Variants in RPS6KA5 observed in about 807,000 individuals in gnomAD.
RPS6KA5 encodes the protein ribosomal protein S6 kinase alpha-5.
Under a neutral mutation model 85.5 loss-of-function variants are expected in RPS6KA5, and 27 were observed. The ratio of observed to expected loss-of-function variants is 0.32; its 90% CI spans 0.23 to 0.44. The LOEUF (loss-of-function observed/expected upper bound fraction) is 0.44, where lower values mean the gene tolerates loss of function less well. Among genes scored for constraint, RPS6KA5 ranks in the 20% least tolerant of loss-of-function variants. The probability of loss-of-function intolerance (pLI) is 1.00; values close to 1 mark genes in which losing one functional copy is unlikely to be tolerated. For synonymous variants in RPS6KA5, 334 were observed against 348.2 expected (o/e 0.96, Z 0.46); for missense variants, 811 against 980.9 (o/e 0.83, Z 2.31).
At chr14:91,044,356 AAAGAAAGAGAAAGAAAGAAG>A (rs1474375371) in intron 1 of RPS6KA5, among the ~76,000 whole-genome samples, 7,071 of 34,956 alleles carry the variant, frequency 0.2, 334 homozygotes, top group East Asian at 0.46. Context: ...AGAAAGAAAG[AAAGAAAGAGAAAGAAAGAAG>A]GAAAGAAAGA....
At chr14:91,009,250 T>C (rs2041158118) in intron 1 of RPS6KA5, among the ~76,000 whole-genome samples, 1 of 152,194 alleles carries the variant, frequency 6.6e-6, no homozygotes, top group Non-Finnish European at 1.5e-5. Flanking sequence ...AGTGCTCTTA[T>C]AAAAGAGGCT....
rs1595176734 is a variant in RPS6KA5 at position 90,906,038 on chromosome 14, C to T, written c.957+111G>A. ...AAAAGGTGCAATGTACGTGAAAATG[C>T]CAGTGGAAAATGATCCCAAAGGGGA... On this transcript the variant is annotated intron_variant, in intron 8 of 16. Transcript: ENST00000614987. The T allele has an allele frequency of 3.8e-6, 4 of 1,060,064 alleles. No individual in the cohort carries two copies. In the East Asian group the frequency reaches 7.3e-5, roughly 19 times the overall value. The allele number at this position is 1,060,064 out of a possible 1,614,324, so 65.7% of individuals were successfully genotyped here.
intron 14 of RPS6KA5, among the ~76,000 whole-genome samples, chr14:90,882,243 A>C (rs2033890565): frequency 6.6e-6 from 1 of 152,230 alleles, no homozygotes; most frequent in South Asian, 2.1e-4. Flanking sequence ...TAACTTTAAT[A>C]ATGTAGAAAA....
At chr14:90,985,258 A>G (rs1269893759) in intron 2 of RPS6KA5, among the ~76,000 whole-genome samples, 1 of 152,240 alleles carries the variant, frequency 6.6e-6, no homozygotes, top group Non-Finnish European at 1.5e-5. Context: ...TAATTTTTAC[A>G]TTAAAATGGT....
At chr14:91,038,218 G>A (rs545838864) in intron 1 of RPS6KA5, among the ~76,000 whole-genome samples, 1 of 152,062 alleles carries the variant, frequency 6.6e-6, no homozygotes, top group Non-Finnish European at 1.5e-5. Context: ...TTTCATCAGG[G>A]TCCTACTCTT....
In RPS6KA5 at chr14:91,052,234, G is replaced by A. The variant is rs149314754; in HGVS notation, c.103+8098C>T. On this transcript the variant is annotated intron_variant, in intron 1 of 16. Transcript: ENST00000614987. ...AGGCCCAGGCAGATGGATCATCTGA[G>A]GTAAGGAGTTCAAGACCAGCCTGGC... 1,560 of 325,470 alleles carry A rather than the reference G, an allele frequency of 4.8e-3. 21 individuals are homozygous for A. Among genetic ancestry groups the A allele is most frequent in the African/African-American group, 0.039 (1,473 of 37,872 alleles). The allele number at this position is 325,470 out of a possible 1,614,324, so 20.2% of individuals were successfully genotyped here.
At chr14:90,909,712 C>T (rs879506719) in intron 7 of RPS6KA5, among the ~76,000 whole-genome samples, 1 of 151,978 alleles carries the variant, frequency 6.6e-6, no homozygotes, top group African/African-American at 2.4e-5. Context: ...GAGGTGCTAG[C>T]AAATAAATTA....
chr14:90,902,344 G>A (rs1356961804), intron 9 of RPS6KA5, among the ~76,000 whole-genome samples: 1 of 152,040 alleles, frequency 6.6e-6, no homozygotes, highest in Admixed American at 6.6e-5. Flanking sequence ...AATTAGCTGG[G>A]TGTGCTGGTT....
intron 1 of RPS6KA5, among the ~76,000 whole-genome samples, chr14:91,047,219 A>C (rs1207984072): frequency 6.6e-6 from 1 of 152,206 alleles, no homozygotes; most frequent in Non-Finnish European, 1.5e-5. Context: ...GCATTAATTA[A>C]ACCATAAGAA....
At chr14:90,898,063 C>T (rs2034939618) in intron 12 of RPS6KA5, among the ~76,000 whole-genome samples, 1 of 152,116 alleles carries the variant, frequency 6.6e-6, no homozygotes, top group African/African-American at 2.4e-5. Context: ...GAGGATGATG[C>T]CATTTTGGGA....
rs145897323 is a variant in RPS6KA5, at chr14:91,014,319, G to A, written c.104-13160C>T. Among the ~76,000 whole-genome samples, 772 of 152,048 alleles carry A rather than the reference G, an allele frequency of 5.1e-3. 4 individuals carry two copies. The highest frequency in any genetic ancestry group is 8.8e-3 in the Non-Finnish European group (601 of 67,974). On this transcript the variant is annotated intron_variant, in intron 1 of 16. Transcript: ENST00000614987. ...AGGTCGAGACCATCCTAGCCAACAC[G>A]GTGAAACCCTGGTCTCTATTTAAAA...
chr14:91,039,797 G>A (rs1224704631), intron 1 of RPS6KA5, among the ~76,000 whole-genome samples: 1 of 152,164 alleles, frequency 6.6e-6, no homozygotes, highest in African/African-American at 2.4e-5. Flanking sequence ...ATGAGGTTGC[G>A]CACCACAGGT....
intron 1 of RPS6KA5, among the ~76,000 whole-genome samples, chr14:91,031,486 A>G (rs190951193): frequency 1.3e-5 from 2 of 152,354 alleles, no homozygotes; most frequent in Admixed American, 1.3e-4. Context: ...ACAGTTACAC[A>G]AAGTTGAGAA....
intron 10 of RPS6KA5, 138 bp downstream of exon 10, chr14:90,900,473 T>C (rs1057226050): frequency 1.2e-6 from 1 of 825,354 alleles, no homozygotes; most frequent in Non-Finnish European, 1.8e-6. Flanking sequence ...GTTAATTCTC[T>C]AGGGAAAATA....
intron 5 of RPS6KA5, among the ~76,000 whole-genome samples, chr14:90,940,157 G>A (rs2037491727): frequency 6.6e-6 from 1 of 152,184 alleles, no homozygotes; most frequent in Non-Finnish European, 1.5e-5. Context: ...CTAACAGGAA[G>A]AATGAGCAGA....
intron 1 of RPS6KA5, among the ~76,000 whole-genome samples, chr14:91,035,600 A>C (rs1437144036): frequency 6.6e-6 from 1 of 152,108 alleles, no homozygotes; most frequent in African/African-American, 2.4e-5. Flanking sequence ...CAGTAAAGGG[A>C]AAGAAAGAAA....
rs1374014387 is a variant in RPS6KA5 at position 90,864,695 on chromosome 14, A to G, written c.*7379T>C. On this transcript the variant is annotated 3_prime_UTR_variant, in exon 17 of 17. Transcript: ENST00000614987. ...CTGCAAGTCAGTAAGAAAAAAAGAC[A>G]ACCCAATAAATATGAACAAATGACT... 1 of 152,210 alleles carries G rather than the reference A, an allele frequency of 6.6e-6. No homozygotes were observed. Among genetic ancestry groups the G allele is most frequent in the African/African-American group, 2.4e-5 (1 of 41,464 alleles). The allele number at this position is 152,210 out of a possible 1,614,324, so 9.4% of individuals were successfully genotyped here. A position where few individuals can be genotyped will look rare whatever the true frequency, so the allele number is the denominator to read the frequency against.
intron 7 of RPS6KA5, among the ~76,000 whole-genome samples, chr14:90,909,939 C>T (rs1595187350): frequency 6.6e-6 from 1 of 152,256 alleles, no homozygotes; most frequent in South Asian, 2.1e-4. Context: ...CCATGCCTGG[C>T]TAATTTTTGT....
chr14:90,954,941 T>C (rs1335064574), intron 3 of RPS6KA5, among the ~76,000 whole-genome samples: 9 of 152,166 alleles, frequency 5.9e-5, no homozygotes, highest in Non-Finnish European at 1.2e-4. Flanking sequence ...AATAGTAATG[T>C]CCTTTCTTTC....
Sources: allele counts gnomAD v4.1 joint callset (sites outside exome capture counted in the v4.1 genomes callset), GRCh38; gene constraint gnomAD v4.1.1; transcripts MANE v1.5; gene names NCBI Gene and HGNC (gene_info 2026-07-23, HGNC 2026-07-21).